The following ESRRG variants were observed in gnomAD, a reference collection of about 807,000 sequenced individuals.
ESRRG encodes the protein estrogen related receptor gamma, also known as estrogen-related receptor gamma.
A neutral mutation model predicts 44.0 loss-of-function variants in ESRRG; 13 were observed. The observed-to-expected ratio is 0.30, with a 90% CI of 0.19 to 0.47. ESRRG has a LOEUF of 0.47. Ranked by LOEUF, ESRRG falls within the 20% of genes least tolerant of loss-of-function variation. The probability of loss-of-function intolerance (pLI) is 1.00; values close to 1 mark genes in which losing one functional copy is unlikely to be tolerated. For missense variants in ESRRG, 395 were observed against 580.6 expected (o/e 0.68, Z 3.29); for synonymous variants, 215 against 214.6 (o/e 1.00, Z -0.02).
rs34245595 is a variant in ESRRG at position 216,541,561 on chromosome 1, AGTGTGTGTGTGTGTGTGT to A, written c.863-22158_863-22141del. 1.6e-3 allele frequency among the ~76,000 whole-genome samples: 209 copies of A among 130,416 alleles called. 1 individual carries two copies. Among genetic ancestry groups the A allele is most frequent in the East Asian group, 6.1e-3 (27 of 4,410 alleles). The allele number at this position is 130,416 out of a possible 152,430, so 85.6% of individuals were successfully genotyped here. The stretch of plus-strand genomic sequence containing the variant: ...GCTCAGCTATTTGAGTCTTTTGGTT[AGTGTGTGTGTGTGTGTGT>A]GTGTGTGTGTGTGTGTGTGTGTGTG... On this transcript the variant is annotated intron_variant, in intron 5 of 6. Transcript: ENST00000408911.
chr1:216,509,972 G>C (rs1350721098), intron 6 of ESRRG, among the ~76,000 whole-genome samples: 1 of 152,162 alleles, frequency 6.6e-6, no homozygotes, highest in Non-Finnish European at 1.5e-5. Flanking sequence ...ATTAATGTAT[G>C]TAATTTATTT....
chr1:216,587,228 A>G (rs2056827272), intron 3 of ESRRG, among the ~76,000 whole-genome samples: 1 of 152,218 alleles, frequency 6.6e-6, no homozygotes, highest in Non-Finnish European at 1.5e-5. Context: ...TTGGACCAAA[A>G]TGGAATTACA....
At chr1:216,848,054 G>C (rs1014199428) in intron 2 of ESRRG, among the ~76,000 whole-genome samples, 2 of 152,106 alleles carry the variant, frequency 1.3e-5, no homozygotes, top group Admixed American at 1.3e-4. Context: ...AGGATGTTTA[G>C]CAGCATCCAT....
intron 1 of ESRRG, among the ~76,000 whole-genome samples, chr1:217,136,751 G>C (rs1349485154): frequency 3.9e-5 from 6 of 152,058 alleles, no homozygotes; most frequent in Non-Finnish European, 8.8e-5. Context: ...TTCATTCTAG[G>C]TGCTTCCTTA....
At chr1:216,958,972 G>T (rs915592130) in intron 1 of ESRRG, among the ~76,000 whole-genome samples, 5 of 152,168 alleles carry the variant, frequency 3.3e-5, no homozygotes, top group Middle Eastern at 3.4e-3. Flanking sequence ...CCTTTATCCA[G>T]TTTTATTTTT....
At chr1:217,073,005 T>C (rs911033072) in intron 1 of ESRRG, among the ~76,000 whole-genome samples, 1 of 151,884 alleles carries the variant, frequency 6.6e-6, no homozygotes, top group Non-Finnish European at 1.5e-5. Context: ...AAGAAGATTG[T>C]AGAGAGAAGC....
At chr1:216,929,930 T>C (rs1322276083) in intron 2 of ESRRG, among the ~76,000 whole-genome samples, 3 of 152,106 alleles carry the variant, frequency 2.0e-5, no homozygotes, top group African/African-American at 7.2e-5. Flanking sequence ...GTACCTGATT[T>C]CCAGCCCTCA....
chr1:217,099,042 T>C (rs1049498915), intron 1 of ESRRG, among the ~76,000 whole-genome samples: 2 of 152,218 alleles, frequency 1.3e-5, no homozygotes, highest in Admixed American at 6.5e-5. Context: ...CTCATTTATT[T>C]TGTTTACTGT....
chr1:217,131,437 T>C (rs550042902), intron 1 of ESRRG, among the ~76,000 whole-genome samples: 1 of 152,350 alleles, frequency 6.6e-6, no homozygotes, highest in Admixed American at 6.5e-5. Flanking sequence ...AAGGCAGTTT[T>C]AGCTAGAACT....
intron 2 of ESRRG, among the ~76,000 whole-genome samples, chr1:216,658,905 G>T: frequency 1.0e-5 from 1 of 99,914 alleles, no homozygotes; most frequent in African/African-American, 3.4e-5. Context: ...GAAGAGAAGA[G>T]AAGAGAAGAG....
chr1:216,667,410 G>T (rs2074167942), intron 2 of ESRRG, among the ~76,000 whole-genome samples: 5 of 152,084 alleles, frequency 3.3e-5, no homozygotes, highest in Non-Finnish European at 2.9e-5. Flanking sequence ...TTTAGGCCGG[G>T]TGCAGTGGCT....
intron 1 of ESRRG, among the ~76,000 whole-genome samples, chr1:217,036,990 A>C (rs1288551950): frequency 6.6e-6 from 1 of 152,122 alleles, no homozygotes; most frequent in Admixed American, 6.5e-5. Flanking sequence ...CTCTCTTCCC[A>C]GGCCAGAGGA....
intron 1 of ESRRG, among the ~76,000 whole-genome samples, chr1:217,135,547 T>A (rs576708451): frequency 6.6e-6 from 1 of 150,994 alleles, no homozygotes; most frequent in Non-Finnish European, 1.5e-5. Flanking sequence ...GCGGCGGCGG[T>A]GTTGGCGGCG....
At chr1:216,548,493 T>A (rs1447006447) in intron 5 of ESRRG, among the ~76,000 whole-genome samples, 1 of 152,106 alleles carries the variant, frequency 6.6e-6, no homozygotes, top group Non-Finnish European at 1.5e-5. Flanking sequence ...ATGGACTTGT[T>A]TAACCTATAC....
At chr1:217,067,191 C>T (rs1430452503) in intron 1 of ESRRG, among the ~76,000 whole-genome samples, 1 of 152,216 alleles carries the variant, frequency 6.6e-6, no homozygotes, top group Non-Finnish European at 1.5e-5. Context: ...GATCCTTTAT[C>T]TTTTACCTTT....
chr1:216,596,258 T>A (rs1055551483), intron 3 of ESRRG, among the ~76,000 whole-genome samples: 1 of 152,228 alleles, frequency 6.6e-6, no homozygotes, highest in Admixed American at 6.5e-5. Context: ...CTTCAGGGCT[T>A]CTTTCTCCTC....
intron 2 of ESRRG, among the ~76,000 whole-genome samples, chr1:216,904,078 TGTAC>T (rs985427632): frequency 1.1e-4 from 17 of 152,248 alleles, no homozygotes; most frequent in African/African-American, 3.9e-4. Context: ...GCAGGGTTGC[TGTAC>T]GTATTAAAGA....
chr1:216,642,320 C>T (rs2066600934), intron 3 of ESRRG, among the ~76,000 whole-genome samples: 2 of 151,962 alleles, frequency 1.3e-5, no homozygotes, highest in Admixed American at 1.3e-4. Flanking sequence ...ATTCAGCTCT[C>T]AAAAATCTGT....
Position 216,918,201 on chromosome 1 carries a change from GA to G in ESRRG, c.-14+21380del, listed in dbSNP as rs1204155357. 3.9e-5 allele frequency among the ~76,000 whole-genome samples: 6 copies of G among 152,234 alleles called. No homozygotes were observed. In the East Asian group the frequency reaches 1.2e-3, roughly 29 times the overall value. ...GACAGTTAATTTTGTTTACTCCTGG[GA>G]AAATTCCTCTTTTCAAATATGGACT... On this transcript the variant is annotated intron_variant, in intron 2 of 7. Coordinates refer to the ESRRG transcript ENST00000359162.
Sources: allele counts gnomAD v4.1 joint callset (sites outside exome capture counted in the v4.1 genomes callset), GRCh38; gene constraint gnomAD v4.1.1; transcripts MANE v1.5; gene names NCBI Gene and HGNC (gene_info 2026-07-23, HGNC 2026-07-21).